PIGA: variants seen among roughly 807,000 people sequenced by gnomAD.
PIGA encodes phosphatidylinositol glycan anchor biosynthesis class A.
Under a neutral mutation model 17.1 loss-of-function variants are expected in PIGA, and 3 were observed. The observed-to-expected ratio is 0.18, with a 90% CI of 0.08 to 0.45. The LOEUF is 0.45. Among genes scored for constraint, PIGA ranks in the 20% least tolerant of loss-of-function variants. PIGA has a pLI of 0.99. For synonymous variants in PIGA, 126 were observed against 135.1 expected, an observed-to-expected ratio of 0.93 and a Z score of 0.47; for missense variants, 231 against 374.1, an observed-to-expected ratio of 0.62 and a Z score of 3.16.
At chrX:15,326,143 C>G in intron 2 of PIGA, 97 bp from the exon 3 acceptor site, 1 of 529,523 alleles carries the variant, frequency 1.9e-6, no homozygotes, top group Non-Finnish European at 3.0e-6. Flanking sequence ...AAAGTATTAG[C>G]TATGCACTCC....
At chrX:15,332,096 T>G in intron 1 of PIGA, 104 bp from the exon 2 acceptor site, 1 of 509,544 alleles carries the variant, frequency 2.0e-6, no homozygotes, top group Non-Finnish European at 2.9e-6. Flanking sequence ...TTTGTTAGCT[T>G]TCCCCAGAAT....
At chrX:15,330,057 C>A (rs1922106170) in intron 2 of PIGA, among the ~76,000 whole-genome samples, 4 of 106,642 alleles carry the variant, frequency 3.8e-5, no homozygotes, top group Non-Finnish European at 7.7e-5. Flanking sequence ...TGCACTCCAG[C>A]CCGGGGGGTG....
chrX:15,330,613 T>C lies in PIGA; in HGVS notation c.715+603A>G, dbSNP rs181664443. Among the ~76,000 whole-genome samples, 3 of 112,081 alleles carry C rather than the reference T, an allele frequency of 2.7e-5. No individual in the cohort carries two copies. The East Asian group carries it at 8.4e-4, about 31-fold the overall frequency. On this transcript the variant is annotated intron_variant, in intron 2 of 5. Coordinates refer to ENST00000333590, the MANE Select transcript of PIGA (RefSeq NM_002641.4). ...AGCTCTGCCCTTTACTTCTTTTTTT[T>C]TTCTTTAGAGACGGAGTCTCGTTAT... is the stretch of plus-strand genomic sequence containing the variant.
intron 5 of PIGA, 101 bp from the exon 6 acceptor site, chrX:15,321,873 A>C: frequency 1.3e-6 from 1 of 766,673 alleles, no homozygotes; most frequent in Non-Finnish European, 1.9e-6. Flanking sequence ...TTTATAAACA[A>C]ATACAAACAA....
chrX:15,330,081 C>T (rs1242119465), intron 2 of PIGA, among the ~76,000 whole-genome samples: 1 of 89,337 alleles, frequency 1.1e-5, no homozygotes, highest in Admixed American at 1.2e-4. Context: ...GTGCGAGACT[C>T]CGTCTCAAAA....
At chrX:15,334,812 T>C (rs1294786619) in intron 1 of PIGA, among the ~76,000 whole-genome samples, 2 of 112,308 alleles carry the variant, frequency 1.8e-5, no homozygotes, top group Admixed American at 9.4e-5. Flanking sequence ...AAAAGTTCAT[T>C]ATGCTGCACA....
rs902503876 is a variant in PIGA, at chrX:15,324,143, A to C, written c.1188+522T>G. Reference sequence around the variant, plus strand: ...TCCCACGTTTGTCACGTACATTTTGAATTCTAACTTACTATGTTCTCAATC... The same window carrying C: ...TCCCACGTTTGTCACGTACATTTTGCATTCTAACTTACTATGTTCTCAATC... On this transcript the variant is annotated intron_variant, in intron 5 of 5. Coordinates refer to ENST00000333590, the MANE Select transcript of PIGA (RefSeq NM_002641.4). 8.0e-5 allele frequency among the ~76,000 whole-genome samples: 9 copies of C among 112,341 alleles called. No homozygotes were observed. In the Admixed American group the frequency reaches 8.5e-4, roughly 11 times the overall value.
In PIGA at chrX:15,335,481, G is replaced by C; in HGVS notation, c.-63+20C>G. 1 of 985,568 alleles carries C rather than the reference G, an allele frequency of 1.0e-6. No individual in the cohort carries two copies. Among genetic ancestry groups the C allele is most frequent in the East Asian group, 4.1e-5 (1 of 24,316 alleles). 81.2% of individuals were successfully genotyped at this position (985,568 alleles called of 1,213,427 possible). On this transcript the variant is annotated intron_variant, in intron 1 of 5. Coordinates refer to ENST00000333590, the MANE Select transcript of PIGA (RefSeq NM_002641.4). ...AAGCGGCCCAGAGCGCTGGAGAGGG[G>C]CGGCGCGACGCGCACTCACCGGTGA...
At position 15,334,186 on chromosome X, in the gene PIGA, T is replaced by C. The variant is rs1295658224; in HGVS notation, c.-63+1315A>G. On this transcript the variant is annotated intron_variant, in intron 1 of 5. Coordinates refer to ENST00000333590, the MANE Select transcript of PIGA (RefSeq NM_002641.4). ...TAGTCTCTCCAACAAATTCATCTAC[T>C]TTTTTTTTTTTTTTTTTTTTTTGAG... 1.0e-3 allele frequency among the ~76,000 whole-genome samples: 29 copies of C among 28,871 alleles called. 2 individuals are homozygous for C. The East Asian group carries it at 0.011, about 11-fold the overall frequency. The allele number at this position is 28,871 out of a possible 115,157, so 25.1% of individuals were successfully genotyped here.
In PIGA at chrX:15,331,575, C is replaced by A; in HGVS notation, c.356G>T (p.Arg119Leu). 8.3e-7 allele frequency: 1 copy of A among 1,211,397 alleles called. No homozygotes were observed. Among genetic ancestry groups the A allele is most frequent in the Non-Finnish European group, 1.1e-6 (1 of 895,132 alleles). The change falls in exon 2 of 6, where the codon CGG (arginine) becomes CTG (leucine). Residue 119 changes from arginine (R) to leucine (L), a missense_variant. Arg to Leu is a moderately radical substitution (Grantham distance 102). This residue lies in a region of PIGA where 83 missense variants were observed against 190.1 expected (regional missense o/e 0.44). Transcript: ENST00000333590. The part of the protein sequence containing the change: ...SLPLLRYIFV[R>L]ERVTIIHSHS... ...TGAATGGATTATCGTGACTCTCTCC[C>A]GAACAAATATGTACCTGAGCAATGG...
intron 5 of PIGA, among the ~76,000 whole-genome samples, chrX:15,323,356 G>A (rs1474533382): frequency 1.8e-5 from 2 of 111,246 alleles, no homozygotes; most frequent in African/African-American, 6.5e-5. Flanking sequence ...AAATATCCCT[G>A]CCAATTATAC....
rs770182050 is a variant in PIGA at position 15,325,201 on chromosome X, A to T, written c.849-49T>A. On this transcript the variant is annotated intron_variant, in intron 3 of 5. Coordinates refer to ENST00000333590, the MANE Select transcript of PIGA (RefSeq NM_002641.4). Reference sequence around the variant, plus strand: ...AGAAAGGAGTGAAAACTCATGCTACAAAAGAAATTTAATTTATAAACCAAG... The same window carrying T: ...AGAAAGGAGTGAAAACTCATGCTACTAAAGAAATTTAATTTATAAACCAAG... 8.2e-6 allele frequency: 9 copies of T among 1,094,531 alleles called. No individual in the cohort carries two copies. In the Admixed American group the frequency reaches 9.3e-5, roughly 11 times the overall value. 90.2% of individuals were successfully genotyped at this position (1,094,531 alleles called of 1,213,427 possible). A position where few individuals can be genotyped will look rare whatever the true frequency, so the allele number is the denominator to read the frequency against.
At chrX:15,330,741 T>G (rs756907346) in intron 2 of PIGA, among the ~76,000 whole-genome samples, 161 of 111,440 alleles carry the variant, frequency 1.4e-3, no homozygotes, top group Non-Finnish European at 2.7e-3. Flanking sequence ...TAGCTGGGAC[T>G]ACAGGAGCCT....
In PIGA at chrX:15,325,041, T is replaced by C. The variant is rs1194972907; in HGVS notation, c.960A>G (p.Glu320=). The C allele has an allele frequency of 1.2e-5, 14 of 1,203,162 alleles. No individual in the cohort carries two copies. The highest frequency in any genetic ancestry group is 4.5e-5 in the Admixed American group (2 of 44,387). The stretch of plus-strand genomic sequence containing the variant: ...TTACCTGTAAACCACAACTGGCTGC[T>C]TCCACGATCGCCATGCAGAATGCTT... ...LTEAFCMAIV[E]AASCGLQVVS... is the part of the protein sequence containing the mutation. The change falls in exon 4 of 6, where the codon GAA becomes GAG. Residue 320 remains glutamate (E), a synonymous_variant. Transcript: ENST00000333590.
chrX:15,320,432 T>C lies in PIGA; in HGVS notation c.*1074A>G, dbSNP rs1440485142. On this transcript the variant is annotated 3_prime_UTR_variant, in exon 6 of 6. Transcript: ENST00000333590. ...CTAAAATTTTCAACTTAGTTTGCTA[T>C]AAATAAACCATTCTGAAGTAAAGCC... 1.8e-5 allele frequency: 2 copies of C among 112,459 alleles called. No individual in the cohort carries two copies. Among genetic ancestry groups the C allele is most frequent in the East Asian group, 2.8e-4 (1 of 3,615 alleles). 9.3% of individuals were successfully genotyped at this position (112,459 alleles called of 1,213,427 possible). A position where few individuals can be genotyped will look rare whatever the true frequency, so the allele number is the denominator to read the frequency against.
At chrX:15,326,418 T>A (rs954289024) in intron 2 of PIGA, 1 of 113,531 alleles carries the variant, frequency 8.8e-6, no homozygotes, top group Non-Finnish European at 1.9e-5. Context: ...AGGCAGCTGA[T>A]TGGAGATCTG....
chrX:15,320,758 T>C lies in PIGA; in HGVS notation c.*748A>G, dbSNP rs979101132. 9 of 111,927 alleles carry C rather than the reference T, an allele frequency of 8.0e-5. No individual in the cohort carries two copies. Among genetic ancestry groups the C allele is most frequent in the African/African-American group, 2.9e-4 (9 of 30,754 alleles). The allele number at this position is 111,927 out of a possible 1,213,427, so 9.2% of individuals were successfully genotyped here. A position where few individuals can be genotyped will look rare whatever the true frequency, so the allele number is the denominator to read the frequency against. On this transcript the variant is annotated 3_prime_UTR_variant, in exon 6 of 6. Coordinates refer to ENST00000333590, the MANE Select transcript of PIGA (RefSeq NM_002641.4). The stretch of plus-strand genomic sequence containing the variant: ...GCATACAACAGGAACAAAGTACTAG[T>C]AGTGTGTCGGTGATTTTTTTCCTGG...
At position 15,335,517 on chromosome X, in the gene PIGA, C is replaced by G; in HGVS notation, c.-79G>C. The G allele has an allele frequency of 1.0e-6, 1 of 975,852 alleles. No homozygotes were observed. 80.4% of individuals were successfully genotyped at this position (975,852 alleles called of 1,213,427 possible). On this transcript the variant is annotated 5_prime_UTR_variant, in exon 1 of 6. Coordinates refer to ENST00000333590, the MANE Select transcript of PIGA (RefSeq NM_002641.4). ...CGCACTCACCGGTGAGTTCCATGGC[C>G]GCCAGTGTCCGGACCTCCCGCGGCT...
At chrX:15,323,557 T>C (rs1569178054) in intron 5 of PIGA, among the ~76,000 whole-genome samples, 1 of 111,370 alleles carries the variant, frequency 9.0e-6, no homozygotes, top group Non-Finnish European at 1.9e-5. Context: ...ACAAGACTTG[T>C]AGAAGGTCAG....
Sources: allele counts gnomAD v4.1 joint callset (sites outside exome capture counted in the v4.1 genomes callset), GRCh38; gene constraint gnomAD v4.1.1; regional missense constraint gnomAD v4.1.1; transcripts MANE v1.5; gene names NCBI Gene and HGNC (gene_info 2026-07-23, HGNC 2026-07-21).